C1orf185: variants seen among roughly 807,000 people sequenced by gnomAD.
C1orf185 encodes chromosome 1 open reading frame 185.
C1orf185 carries 13 observed loss-of-function variants against 16.1 expected under a neutral mutation model. The ratio of observed to expected loss-of-function variants is 0.81; its 90% CI spans 0.53 to 1.28. C1orf185 has a LOEUF of 1.28. Among genes scored for constraint, C1orf185 ranks in the 50% most tolerant of loss-of-function variants. C1orf185 has a pLI of 0.00. For synonymous variants in C1orf185, 80 were observed against 76.9 expected, an observed-to-expected ratio of 1.04 and a Z score of -0.21; for missense variants, 220 against 225.2, an observed-to-expected ratio of 0.98 and a Z score of 0.15.
intron 3 of C1orf185, among the ~76,000 whole-genome samples, chr1:51,129,186 C>T (rs921979444): frequency 1.3e-5 from 2 of 152,044 alleles, no homozygotes; most frequent in East Asian, 1.9e-4. Flanking sequence ...TGCCTGGCCA[C>T]GCAGCTAAAT....
intron 1 of C1orf185, among the ~76,000 whole-genome samples, chr1:51,103,535 CTTT>C (rs753881327): frequency 1.5e-5 from 2 of 133,554 alleles, no homozygotes; most frequent in Non-Finnish European, 1.6e-5. Flanking sequence ...GATGTCTTTC[CTTT>C]TTTTTTTTTT....
chr1:51,131,914 C>A (rs1646288505), intron 3 of C1orf185, among the ~76,000 whole-genome samples: 1 of 152,106 alleles, frequency 6.6e-6, no homozygotes, highest in East Asian at 1.9e-4. Flanking sequence ...AAGTGAATTC[C>A]CAACCTTGAG....
chr1:51,125,587 C>T (rs1056786289), intron 3 of C1orf185, among the ~76,000 whole-genome samples: 7 of 152,170 alleles, frequency 4.6e-5, no homozygotes, highest in African/African-American at 1.7e-4. Context: ...AAGCCTTGCA[C>T]ATCTTATTTT....
intron 2 of C1orf185, among the ~76,000 whole-genome samples, chr1:51,114,870 C>T (rs1646146633): frequency 6.6e-6 from 1 of 152,130 alleles, no homozygotes; most frequent in Non-Finnish European, 1.5e-5. Context: ...ATGTAACCAC[C>T]ACTCTGTCAA....
At chr1:51,118,846 TGA>T (rs1410255714) in intron 3 of C1orf185, 45 bp downstream of exon 3, 1 of 1,279,226 alleles carries the variant, frequency 7.8e-7, no homozygotes, top group African/African-American at 1.5e-5. Context: ...TAATTTCTTT[TGA>T]TACCATGTTA....
intron 3 of C1orf185, among the ~76,000 whole-genome samples, chr1:51,125,333 T>C (rs1646232529): frequency 6.6e-6 from 1 of 152,218 alleles, no homozygotes; most frequent in African/African-American, 2.4e-5. Flanking sequence ...CCTCTTAGGC[T>C]TGTGAGGACT....
chr1:51,118,707 G>T lies in C1orf185; in HGVS notation c.164G>T (p.Arg55Ile), dbSNP rs1476352356. Residue 55 changes from arginine (R) to isoleucine (I), a missense_variant, in exon 3 of 5, where the codon AGA becomes ATA. Transcript: ENST00000371759. ...TCCAAATTTAAAGCAATTGATGAGA[G>T]ATGCAGGCAAAGACCATCAATGGCG... is the stretch of plus-strand genomic sequence containing the variant. ...QNSKFKAIDERCRQRPSMAKI... is the reference protein window; with the variant it reads ...QNSKFKAIDEICRQRPSMAKI... The T allele has an allele frequency of 1.4e-6, 2 of 1,459,472 alleles. No homozygotes were observed. Among genetic ancestry groups the T allele is most frequent in the African/African-American group, 1.4e-5 (1 of 70,540 alleles). 90.4% of individuals were successfully genotyped at this position (1,459,472 alleles called of 1,614,324 possible).
At chr1:51,125,142 T>A (rs1646231271) in intron 3 of C1orf185, among the ~76,000 whole-genome samples, 1 of 152,234 alleles carries the variant, frequency 6.6e-6, no homozygotes, top group Non-Finnish European at 1.5e-5. Context: ...GCCAGCATCA[T>A]CTTCATGTGT....
At chr1:51,136,831 T>C (rs1486965941) in intron 3 of C1orf185, among the ~76,000 whole-genome samples, 1 of 152,226 alleles carries the variant, frequency 6.6e-6, no homozygotes, top group Non-Finnish European at 1.5e-5. Context: ...GCAATACCAT[T>C]CTGGACATAG....
chr1:51,135,570 A>G (rs1557651345), intron 3 of C1orf185, among the ~76,000 whole-genome samples: 2 of 152,224 alleles, frequency 1.3e-5, no homozygotes, highest in Non-Finnish European at 1.5e-5. Flanking sequence ...TGATTATTTC[A>G]ATAGATGCCG....
Position 51,147,962 on chromosome 1 carries a change from C to T in C1orf185, c.*191C>T, listed in dbSNP as rs948796478. On this transcript the variant is annotated 3_prime_UTR_variant, in exon 5 of 5. Coordinates refer to ENST00000371759, the MANE Select transcript of C1orf185 (RefSeq NM_001136508.2). ...TCTTTACCATAGAGCGGCTCTACTT[C>T]CCTTGCTGGTTCTTATTTCTAGAAA... The T allele has an allele frequency of 2.9e-5, 14 of 477,898 alleles. No homozygotes were observed. The East Asian group carries it at 4.6e-4, about 16-fold the overall frequency. The allele number at this position is 477,898 out of a possible 1,614,324, so 29.6% of individuals were successfully genotyped here. A position where few individuals can be genotyped will look rare whatever the true frequency, so the allele number is the denominator to read the frequency against.
chr1:51,107,644 G>A (rs1480964892), intron 1 of C1orf185, among the ~76,000 whole-genome samples: 1 of 152,080 alleles, frequency 6.6e-6, no homozygotes, highest in Non-Finnish European at 1.5e-5. Flanking sequence ...TAAGTCATAA[G>A]TGGTAAGTTT....
At chr1:51,125,322 T>C (rs1397452322) in intron 3 of C1orf185, among the ~76,000 whole-genome samples, 1 of 152,194 alleles carries the variant, frequency 6.6e-6, no homozygotes, top group Non-Finnish European at 1.5e-5. Context: ...TCTGGTATCC[T>C]CCTCTTAGGC....
chr1:51,127,824 A>G (rs2148021716), intron 3 of C1orf185, among the ~76,000 whole-genome samples: 1 of 151,334 alleles, frequency 6.6e-6, no homozygotes, highest in Middle Eastern at 3.4e-3. Context: ...TACTATGAAT[A>G]AGGCTACTCT....
chr1:51,127,885 G>GTTTTTTTTTT (rs769457494), intron 3 of C1orf185, among the ~76,000 whole-genome samples: 1 of 115,302 alleles, frequency 8.7e-6, no homozygotes. Context: ...TCTTTTCTTT[G>GTTTTTTTTTT]TTTTTTTTTT....
chr1:51,109,950 T>C (rs1646103670), intron 1 of C1orf185, among the ~76,000 whole-genome samples: 1 of 152,206 alleles, frequency 6.6e-6, no homozygotes, highest in Non-Finnish European at 1.5e-5. Context: ...TTGATAGGGA[T>C]TCTATTGAAT....
chr1:51,135,774 C>G (rs1035404371), intron 3 of C1orf185, among the ~76,000 whole-genome samples: 2 of 152,124 alleles, frequency 1.3e-5, no homozygotes, highest in Non-Finnish European at 2.9e-5. Flanking sequence ...TCTCACCACT[C>G]CTATTCAACA....
At chr1:51,134,987 G>C (rs1646312689) in intron 3 of C1orf185, among the ~76,000 whole-genome samples, 1 of 152,130 alleles carries the variant, frequency 6.6e-6, no homozygotes, top group Admixed American at 6.6e-5. Flanking sequence ...ACTCCTCCCT[G>C]ACTCATTCTA....
downstream of C1orf185, among the ~76,000 whole-genome samples, chr1:51,149,807 A>C (rs112835883): frequency 0.012 from 1,844 of 152,300 alleles, 45 homozygotes; most frequent in African/African-American, 0.042. Flanking sequence ...GATTAGAAGA[A>C]TGTGATTTCT....
Sources: gnomAD v4.1 joint callset for allele counts (sites outside exome capture counted in the v4.1 genomes callset) on GRCh38, gnomAD v4.1.1 for gene constraint, MANE v1.5 for transcripts, NCBI Gene and HGNC (gene_info 2026-07-23, HGNC 2026-07-21) for gene names.